The following PTPRD variants were observed in gnomAD, a reference collection of about 807,000 sequenced individuals.
The protein encoded by PTPRD is receptor-type tyrosine-protein phosphatase delta.
In PTPRD, 34 loss-of-function variants were observed where a neutral mutation model predicts 214.5. The observed-to-expected ratio is 0.16, with a 90% CI of 0.12 to 0.21. The LOEUF (loss-of-function observed/expected upper bound fraction) is 0.21, where lower values mean the gene tolerates loss of function less well. Ranked by LOEUF, PTPRD falls within the 10% of genes least tolerant of loss-of-function variation. PTPRD has a pLI of 1.00. For synonymous variants in PTPRD, 1,128 were observed against 845.7 expected, an observed-to-expected ratio of 1.33 and a Z score of -5.79; for missense variants, 2,545 against 2,398.7, an observed-to-expected ratio of 1.06 and a Z score of -1.27.
rs80211124 is a variant in PTPRD at position 10,277,614 on chromosome 9, C to T, written c.-545+63349G>A. Among the ~76,000 whole-genome samples the T allele has an allele frequency of 7.5e-3, 1,139 of 152,230 alleles. 4 individuals carry two copies. The highest frequency in any genetic ancestry group is 0.041 in the Middle Eastern group (12 of 294). On this transcript the variant is annotated intron_variant, in intron 3 of 45. Coordinates refer to ENST00000381196, the MANE Select transcript of PTPRD (RefSeq NM_002839.4). ...TACTGGCTAATGTCATGATTGTATT[C>T]GAGGGTTAACTTTCCTGATTCTTGT...
chr9:9,201,102 G>T (rs1460610648), intron 9 of PTPRD, among the ~76,000 whole-genome samples: 1 of 152,058 alleles, frequency 6.6e-6, no homozygotes, highest in Non-Finnish European at 1.5e-5. Context: ...ATGAAAAGTG[G>T]TTTATTTGAC....
intron 3 of PTPRD, among the ~76,000 whole-genome samples, chr9:10,193,778 C>T (rs964746192): frequency 2.0e-5 from 3 of 151,914 alleles, no homozygotes; most frequent in African/African-American, 7.3e-5. Flanking sequence ...ATTTCAGATA[C>T]AAAAAGTAAT....
At chr9:10,489,810 T>G (rs984730104) in intron 2 of PTPRD, among the ~76,000 whole-genome samples, 19 of 152,186 alleles carry the variant, frequency 1.2e-4, no homozygotes, top group Middle Eastern at 3.4e-3. Context: ...GCCTTAAAAT[T>G]GGTGTGCTTT....
chr9:9,822,154 T>C (rs1050691142), intron 5 of PTPRD, among the ~76,000 whole-genome samples: 11 of 150,888 alleles, frequency 7.3e-5, no homozygotes, highest in African/African-American at 2.7e-4. Flanking sequence ...GGCTCACTCC[T>C]GTATTTTTCG....
intron 3 of PTPRD, among the ~76,000 whole-genome samples, chr9:10,254,695 A>G (rs577176675): frequency 4.4e-4 from 67 of 152,308 alleles, no homozygotes; most frequent in African/African-American, 1.5e-3. Context: ...TGGGAAGGAA[A>G]GAATGAGATT....
chr9:9,928,395 T>C (rs537305627), intron 5 of PTPRD, among the ~76,000 whole-genome samples: 1 of 152,304 alleles, frequency 6.6e-6, no homozygotes, highest in South Asian at 2.1e-4. Flanking sequence ...CTGAATTCCC[T>C]TTGTTATCAA....
intron 5 of PTPRD, among the ~76,000 whole-genome samples, chr9:9,775,967 A>G (rs2098795438): frequency 6.6e-6 from 1 of 150,866 alleles, no homozygotes; most frequent in Non-Finnish European, 1.5e-5. Flanking sequence ...AAAAAAAAAA[A>G]AAAAAAAAAA....
At chr9:10,539,003 G>C (rs1049218340) in intron 2 of PTPRD, among the ~76,000 whole-genome samples, 1 of 152,110 alleles carries the variant, frequency 6.6e-6, no homozygotes, top group African/African-American at 2.4e-5. Context: ...AGGGAGTAAA[G>C]TTTTGGTAAT....
At chr9:10,470,016 G>C (rs1391336852) in intron 2 of PTPRD, among the ~76,000 whole-genome samples, 1 of 151,974 alleles carries the variant, frequency 6.6e-6, no homozygotes, top group Non-Finnish European at 1.5e-5. Context: ...GTATTTGGGA[G>C]GGGGAATAAA....
At chr9:10,435,556 C>T (rs2098711636) in intron 2 of PTPRD, among the ~76,000 whole-genome samples, 1 of 151,834 alleles carries the variant, frequency 6.6e-6, no homozygotes, top group South Asian at 2.1e-4. Flanking sequence ...CTGCATTAGA[C>T]CTCTGTTATA....
At chr9:9,064,367 T>A (rs764127338) in intron 10 of PTPRD, among the ~76,000 whole-genome samples, 12 of 152,170 alleles carry the variant, frequency 7.9e-5, no homozygotes, top group Admixed American at 3.3e-4. Flanking sequence ...GATTTCTTTA[T>A]AAGGTTAATC....
chr9:10,544,984 A>G (rs186476977), intron 2 of PTPRD, among the ~76,000 whole-genome samples: 11 of 152,360 alleles, frequency 7.2e-5, no homozygotes, highest in Admixed American at 3.9e-4. Context: ...AAATGGTCGC[A>G]TCTCTCTTTT....
At position 9,134,058 on chromosome 9, in the gene PTPRD, CTTTTTTTTTTT is replaced by C. The variant is rs928663989; in HGVS notation, c.-143+49235_-143+49245del. 1.8e-3 allele frequency among the ~76,000 whole-genome samples: 138 copies of C among 75,456 alleles called. 7 individuals carry two copies. In the East Asian group the frequency reaches 0.057, roughly 31 times the overall value. The allele number at this position is 75,456 out of a possible 152,430, so 49.5% of individuals were successfully genotyped here. A position where few individuals can be genotyped will look rare whatever the true frequency, so the allele number is the denominator to read the frequency against. Reference sequence around the variant, plus strand: ...TTCCAATAGTTCATATAGAATCATTCTTTTTTTTTTTTTTTTTTTTTTTTTGAGACGGAGTC... The same window carrying C: ...TTCCAATAGTTCATATAGAATCATTCTTTTTTTTTTTTTTGAGACGGAGTC... On this transcript the variant is annotated intron_variant, in intron 10 of 45. Transcript: ENST00000381196.
chr9:8,855,152 C>G (rs1194543138), intron 11 of PTPRD, among the ~76,000 whole-genome samples: 1 of 148,724 alleles, frequency 6.7e-6, no homozygotes, highest in African/African-American at 2.5e-5. Context: ...TTTAATGTCT[C>G]TCTAGGAAGG....
At chr9:10,503,923 T>C (rs1181709089) in intron 2 of PTPRD, among the ~76,000 whole-genome samples, 6 of 151,516 alleles carry the variant, frequency 4.0e-5, no homozygotes, top group South Asian at 2.1e-4. Context: ...AAGACCATCC[T>C]GGCTAACACG....
intron 7 of PTPRD, among the ~76,000 whole-genome samples, chr9:9,611,178 CT>C (rs1319346147): frequency 6.6e-6 from 1 of 152,138 alleles, no homozygotes; most frequent in Non-Finnish European, 1.5e-5. Context: ...CAAATTATCA[CT>C]GTCATCAAAA....
rs148611628 is a variant in PTPRD, at chr9:9,785,406, A to C, written c.-367-18555T>G. Among the ~76,000 whole-genome samples the C allele has an allele frequency of 7.0e-3, 1,060 of 152,200 alleles. 8 individuals are homozygous for C. The highest frequency in any genetic ancestry group is 0.012 in the Non-Finnish European group (827 of 67,916). ...TGCTACTTTCTCATAGACAAAGTATATATCATTATCATGTACCTTGATATG... is the reference window on the plus strand; with the variant it reads ...TGCTACTTTCTCATAGACAAAGTATCTATCATTATCATGTACCTTGATATG... On this transcript the variant is annotated intron_variant, in intron 5 of 45. Transcript: ENST00000381196.
rs186838810 is a variant in PTPRD, at chr9:9,506,000, C to T, written c.-237+68732G>A. Reference sequence around the variant, plus strand: ...AGTAGATAATCTCATAATCTAAGGACACAGGTCTGATTTTTCAGATTCAAG... The same window carrying T: ...AGTAGATAATCTCATAATCTAAGGATACAGGTCTGATTTTTCAGATTCAAG... On this transcript the variant is annotated intron_variant, in intron 8 of 45. Transcript: ENST00000381196. Among the ~76,000 whole-genome samples the T allele has an allele frequency of 1.3e-4, 19 of 151,314 alleles. No individual in the cohort carries two copies. The East Asian group carries it at 3.5e-3, about 28-fold the overall frequency.
chr9:9,354,763 G>A (rs370731513), intron 9 of PTPRD, among the ~76,000 whole-genome samples: 3 of 151,894 alleles, frequency 2.0e-5, no homozygotes, highest in East Asian at 3.9e-4. Flanking sequence ...AGCATGAAGT[G>A]GGGTACCATG....
Sources: gnomAD v4.1 joint callset for allele counts (sites outside exome capture counted in the v4.1 genomes callset) on GRCh38, gnomAD v4.1.1 for gene constraint, MANE v1.5 for transcripts, NCBI Gene and HGNC (gene_info 2026-07-23, HGNC 2026-07-21) for gene names.